Variants in MAK16 observed in about 807,000 individuals in gnomAD.
The protein encoded by MAK16 is protein MAK16 homolog.
A neutral mutation model predicts 49.9 loss-of-function variants in MAK16; 12 were observed. That is an observed-to-expected ratio of 0.24 (90% CI 0.15 to 0.39). MAK16 has a LOEUF of 0.39. Ranked by LOEUF, MAK16 falls within the 10% of genes least tolerant of loss-of-function variation. The pLI is 1.00. For synonymous variants in MAK16, 115 were observed against 126.4 expected, an observed-to-expected ratio of 0.91 and a Z score of 0.60; for missense variants, 292 against 363.7, an observed-to-expected ratio of 0.80 and a Z score of 1.60.
intron 1 of MAK16, 46 bp from the exon 2 acceptor site, chr8:33,488,332 C>T (rs771231036): frequency 3.2e-6 from 5 of 1,587,014 alleles, no homozygotes; most frequent in Admixed American, 1.7e-5. Context: ...AATATAGTAT[C>T]TCTTGGGGCA....
chr8:33,492,292 G>A (rs570692557), intron 6 of MAK16, among the ~76,000 whole-genome samples: 3 of 152,320 alleles, frequency 2.0e-5, no homozygotes, highest in Admixed American at 1.3e-4. Flanking sequence ...GATTACAGAC[G>A]TGAGCCACCG....
chr8:33,492,865 T>C (rs1420566057), intron 6 of MAK16, among the ~76,000 whole-genome samples: 1 of 150,948 alleles, frequency 6.6e-6, no homozygotes, highest in Admixed American at 6.6e-5. Context: ...TTTTTTGTTG[T>C]TTTTTTTTGT....
chr8:33,485,469 T>A (rs1045347366), intron 1 of MAK16: 2 of 579,494 alleles, frequency 3.5e-6, no homozygotes, highest in Non-Finnish European at 3.1e-6. Flanking sequence ...ATGTGTCCCG[T>A]CCTTCGTGCC....
rs1563346094 is a variant in MAK16, at chr8:33,489,249, G to A, written c.392+110G>A. 2 of 940,802 alleles carry A rather than the reference G, an allele frequency of 2.1e-6. No homozygotes were observed. The highest frequency in any genetic ancestry group is 2.6e-5 in the Admixed American group (1 of 38,582). The allele number at this position is 940,802 out of a possible 1,614,324, so 58.3% of individuals were successfully genotyped here. On this transcript the variant is annotated intron_variant, in intron 5 of 9. Coordinates refer to ENST00000360128, the MANE Select transcript of MAK16 (RefSeq NM_032509.4). This position sits in a 1 kb window ranked among gnomAD's most constrained non-coding sequence, Gnocchi z 4.2. ...CTTTCTATTCAACTTTGTGGAGTCT[G>A]TTATGATGTACTAAAGAGAAACTTT...
intron 9 of MAK16, among the ~76,000 whole-genome samples, chr8:33,497,524 G>A (rs936429895): frequency 6.6e-6 from 1 of 151,180 alleles, no homozygotes; most frequent in East Asian, 2.0e-4. Flanking sequence ...ATGAAGTTTC[G>A]CTCTGTAGCT....
chr8:33,487,159 T>C (rs1808701085), intron 1 of MAK16, among the ~76,000 whole-genome samples: 1 of 152,220 alleles, frequency 6.6e-6, no homozygotes, highest in African/African-American at 2.4e-5. Context: ...CCTTTAGACC[T>C]GCTATTTTGT....
At chr8:33,488,324 T>C in intron 1 of MAK16, 54 bp from the exon 2 acceptor site, 1 of 1,554,380 alleles carries the variant, frequency 6.4e-7, no homozygotes, top group Non-Finnish European at 8.9e-7. Flanking sequence ...CTTGAATTAA[T>C]ATAGTATCTC....
intron 5 of MAK16, 111 bp from the exon 6 acceptor site, chr8:33,490,174 C>T (rs1483993279): frequency 4.8e-6 from 4 of 826,840 alleles, no homozygotes; most frequent in South Asian, 1.7e-5. Context: ...CTGCCCTGCA[C>T]ATGAGTAGAC....
Position 33,499,177 on chromosome 8 carries a change from G to A in MAK16, c.*548G>A. ...CTTGGGAAAGTAATACAAGTCTTAA[G>A]TTCCATTGTAGGGTGCGCCTTCAGA... On this transcript the variant is annotated 3_prime_UTR_variant, in exon 10 of 10. Coordinates refer to ENST00000360128, the MANE Select transcript of MAK16 (RefSeq NM_032509.4). 1.2e-6 allele frequency: 2 copies of A among 1,611,682 alleles called. No individual in the cohort carries two copies. The highest frequency in any genetic ancestry group is 1.1e-5 in the South Asian group (1 of 91,036).
At position 33,489,041 on chromosome 8, in the gene MAK16, G is replaced by A; in HGVS notation, c.294G>A (p.Leu98=). The change falls in exon 5 of 10, where the codon CTG becomes CTA. Residue 98 remains leucine (L), a synonymous_variant. Coordinates refer to ENST00000360128, the MANE Select transcript of MAK16 (RefSeq NM_032509.4). This position sits in a 1 kb window ranked among gnomAD's most constrained non-coding sequence, Gnocchi z 4.2. ...EKALEQIDEN[L]IYWPRFIRHK... is the part of the protein sequence containing the mutation. ...CACTGGAGCAAATAGATGAAAATCTGATTTACTGGCCCCGTTTCATTCGAC... is the reference window on the plus strand; with the variant it reads ...CACTGGAGCAAATAGATGAAAATCTAATTTACTGGCCCCGTTTCATTCGAC... 6.8e-6 allele frequency: 11 copies of A among 1,614,038 alleles called. No individual in the cohort carries two copies. Among genetic ancestry groups the A allele is most frequent in the Non-Finnish European group, 9.3e-6 (11 of 1,179,938 alleles).
chr8:33,499,118 C>T lies in MAK16; in HGVS notation c.*489C>T. The T allele has an allele frequency of 1.5e-6, 2 of 1,375,286 alleles. No individual in the cohort carries two copies. Among genetic ancestry groups the T allele is most frequent in the Non-Finnish European group, 2.1e-6 (2 of 963,830 alleles). The allele number at this position is 1,375,286 out of a possible 1,614,324, so 85.2% of individuals were successfully genotyped here. ...TCTTTTTTTCTTAAATAACTCCATT[C>T]ATACAAATTGGGATGGGAAGAAAAT... On this transcript the variant is annotated 3_prime_UTR_variant, in exon 10 of 10. Transcript: ENST00000360128.
At position 33,499,224 on chromosome 8, in the gene MAK16, A is replaced by G. The variant is rs753987811; in HGVS notation, c.*595A>G. 8 of 1,614,112 alleles carry G rather than the reference A, an allele frequency of 5.0e-6. No homozygotes were observed. The highest frequency in any genetic ancestry group is 2.2e-5 in the East Asian group (1 of 44,872). On this transcript the variant is annotated 3_prime_UTR_variant, in exon 10 of 10. Coordinates refer to ENST00000360128, the MANE Select transcript of MAK16 (RefSeq NM_032509.4). ...CAGAAACCTGCTGCACTTTTCTGAT[A>G]TAGTTCACCACTTTTCTGTCTTCAC...
At chr8:33,493,841 T>G (rs770396094) in intron 6 of MAK16, among the ~76,000 whole-genome samples, 92 of 152,194 alleles carry the variant, frequency 6.0e-4, no homozygotes, top group Non-Finnish European at 9.3e-4. Flanking sequence ...GTGATTGCAA[T>G]TTTTATAGGA....
At chr8:33,491,680 C>CTGGAGTG (rs1808782417) in intron 6 of MAK16, among the ~76,000 whole-genome samples, 3 of 133,254 alleles carry the variant, frequency 2.3e-5, no homozygotes, top group African/African-American at 8.9e-5. Context: ...ATTGTCCAGG[C>CTGGAGTG]TGGAGTGCAG....
intron 6 of MAK16, among the ~76,000 whole-genome samples, chr8:33,493,735 T>A (rs1808813211): frequency 6.6e-6 from 1 of 152,238 alleles, no homozygotes; most frequent in African/African-American, 2.4e-5. Flanking sequence ...TAATTTTTTC[T>A]ATTTTCACCA....
intron 8 of MAK16, 29 bp from the exon 9 acceptor site, chr8:33,497,203 T>G (rs747682839): frequency 1.1e-5 from 17 of 1,533,210 alleles, no homozygotes; most frequent in Non-Finnish European, 1.2e-5. Context: ...TTATGTATTC[T>G]GAACCTAACA....
chr8:33,497,349 A>C lies in MAK16; in HGVS notation c.705+52A>C, dbSNP rs534585301. 269 of 1,217,760 alleles carry C rather than the reference A, an allele frequency of 2.2e-4. 11 individuals are homozygous for C. The highest frequency in any genetic ancestry group is 1.5e-3 in the South Asian group (112 of 74,380). 75.4% of individuals were successfully genotyped at this position (1,217,760 alleles called of 1,614,324 possible). A position where few individuals can be genotyped will look rare whatever the true frequency, so the allele number is the denominator to read the frequency against. Reference sequence around the variant, plus strand: ...CCTTTGGCCTGCAGCAAAAAAAAAAAAAAAACAAAAACAGGGAGGTGGCCA... The same window carrying C: ...CCTTTGGCCTGCAGCAAAAAAAAAACAAAAACAAAAACAGGGAGGTGGCCA... On this transcript the variant is annotated intron_variant, in intron 9 of 9. Coordinates refer to ENST00000360128, the MANE Select transcript of MAK16 (RefSeq NM_032509.4).
rs115327016 is a variant in MAK16 at position 33,485,299 on chromosome 8, G to A, written c.15+78G>A. 518 of 1,584,098 alleles carry A rather than the reference G, an allele frequency of 3.3e-4. 6 individuals carry two copies. In the African/African-American group the frequency reaches 6.3e-3, roughly 19 times the overall value. On this transcript the variant is annotated intron_variant, in intron 1 of 9. Transcript: ENST00000360128. ...CCATTTTCGGACACTTAGAAAACGC[G>A]TACGCAGCGGGTCTGTTGCCTCGTG...
chr8:33,496,396 A>G (rs1808858354), intron 7 of MAK16, among the ~76,000 whole-genome samples: 3 of 152,216 alleles, frequency 2.0e-5, no homozygotes, highest in Admixed American at 1.3e-4. Context: ...ATTATTTTAA[A>G]ATGTAACTCC....
Sources: allele counts gnomAD v4.1 joint callset (sites outside exome capture counted in the v4.1 genomes callset), GRCh38; gene constraint gnomAD v4.1.1; non-coding constraint Gnocchi (gnomAD v3.1); transcripts MANE v1.5; gene names NCBI Gene and HGNC (gene_info 2026-07-23, HGNC 2026-07-21).